LYPD6B: variants seen among roughly 807,000 people sequenced by gnomAD.
LYPD6B encodes the protein LY6/PLAUR domain containing 6B.
LYPD6B carries 17 observed loss-of-function variants against 22.8 expected under a neutral mutation model. That is an observed-to-expected ratio of 0.75 (90% CI 0.51 to 1.12). The LOEUF is 1.12. Among genes scored for constraint, LYPD6B ranks in the 50% most tolerant of loss-of-function variants. LYPD6B has a pLI of 0.00. For synonymous variants in LYPD6B, 106 were observed against 91.6 expected (o/e 1.16, Z -0.90); for missense variants, 221 against 258.3 (o/e 0.86, Z 0.99).
At chr2:149,160,522 G>A (rs1211574122) in intron 2 of LYPD6B, 1 of 618,120 alleles carries the variant, frequency 1.6e-6, no homozygotes, top group Non-Finnish European at 3.0e-6. Context: ...AATTAGATGG[G>A]GCCCAGGTGT....
intron 2 of LYPD6B, among the ~76,000 whole-genome samples, chr2:149,155,348 C>T (rs1055447890): frequency 9.2e-5 from 14 of 152,192 alleles, no homozygotes; most frequent in East Asian, 7.7e-4. Flanking sequence ...TTGCATCAGG[C>T]CCTCTCCTTT....
intron 1 of LYPD6B, among the ~76,000 whole-genome samples, chr2:149,075,110 T>G (rs1476117732): frequency 6.6e-6 from 1 of 152,236 alleles, no homozygotes; most frequent in Admixed American, 6.5e-5. Context: ...GAAACTTTTA[T>G]TATAAATCCA....
chr2:149,134,768 G>A (rs2105726722), intron 2 of LYPD6B, among the ~76,000 whole-genome samples: 1 of 152,342 alleles, frequency 6.6e-6, no homozygotes. Flanking sequence ...GTCAATCTGG[G>A]TTGTCAATCA....
At chr2:149,161,042 G>C (rs1441094985) in intron 3 of LYPD6B, among the ~76,000 whole-genome samples, 2 of 152,030 alleles carry the variant, frequency 1.3e-5, no homozygotes, top group African/African-American at 4.8e-5. Flanking sequence ...CAATTCTGGT[G>C]AACCAAAAAG....
chr2:149,083,111 G>A (rs1038935673), intron 1 of LYPD6B, among the ~76,000 whole-genome samples: 1 of 152,030 alleles, frequency 6.6e-6, no homozygotes, highest in East Asian at 1.9e-4. Flanking sequence ...GGAATAAAAT[G>A]TCACAGGGGG....
At position 149,214,662 on chromosome 2, in the gene LYPD6B, A is replaced by G; in HGVS notation, c.576A>G (p.Thr192=). 1 of 1,613,670 alleles carries G rather than the reference A, an allele frequency of 6.2e-7. No homozygotes were observed. The part of the protein sequence containing the change: ...AQRTSGSSAP[T]LYLPVLAWVF... ...GAACATCTGGCAGCAGTGCCCCCAC[A>G]CTCTACCTACCAGTGCTTGCCTGGG... is the stretch of plus-strand genomic sequence containing the variant. Residue 192 remains threonine, a synonymous_variant, in exon 7 of 7, where the codon ACA becomes ACG. Coordinates refer to ENST00000409642, the MANE Select transcript of LYPD6B (RefSeq NM_177964.5).
At chr2:149,050,469 TG>T (rs1472714232) in intron 1 of LYPD6B, among the ~76,000 whole-genome samples, 1 of 152,214 alleles carries the variant, frequency 6.6e-6, no homozygotes, top group African/African-American at 2.4e-5. Context: ...TCCTGCATTT[TG>T]GGACTATTTC....
intron 2 of LYPD6B, among the ~76,000 whole-genome samples, chr2:149,143,355 A>G (rs1688809359): frequency 1.3e-5 from 2 of 150,732 alleles, no homozygotes; most frequent in South Asian, 4.2e-4. Flanking sequence ...TAGGACAATG[A>G]GTTTATGATC....
chr2:149,165,800 A>G (rs1219315585), intron 3 of LYPD6B, among the ~76,000 whole-genome samples: 1 of 152,124 alleles, frequency 6.6e-6, no homozygotes, highest in African/African-American at 2.4e-5. Context: ...AGTTAATGGA[A>G]ATTACATCTT....
intron 2 of LYPD6B, among the ~76,000 whole-genome samples, chr2:149,159,565 C>G (rs896220879): frequency 1.3e-5 from 2 of 149,882 alleles, no homozygotes; most frequent in African/African-American, 4.9e-5. Flanking sequence ...TTCAGAGAAC[C>G]CTGCCCGAGA....
intron 1 of LYPD6B, among the ~76,000 whole-genome samples, chr2:149,070,467 T>TC (rs1313833256): frequency 2.0e-5 from 3 of 152,084 alleles, no homozygotes; most frequent in Non-Finnish European, 4.4e-5. Flanking sequence ...TTGATCTCCT[T>TC]CCCCCCTCAT....
chr2:149,085,261 C>T (rs1685335726), intron 1 of LYPD6B, among the ~76,000 whole-genome samples: 1 of 152,232 alleles, frequency 6.6e-6, no homozygotes, highest in Non-Finnish European at 1.5e-5. Flanking sequence ...CCTAACCCCA[C>T]ATGTTCGTGC....
intron 3 of LYPD6B, among the ~76,000 whole-genome samples, chr2:149,188,451 A>G (rs891680665): frequency 1.7e-4 from 26 of 152,180 alleles, no homozygotes; most frequent in African/African-American, 6.3e-4. Flanking sequence ...GGTGGGGAAA[A>G]GGATTGACAT....
intron 1 of LYPD6B, among the ~76,000 whole-genome samples, chr2:149,110,639 C>G (rs879068720): frequency 6.6e-6 from 1 of 152,058 alleles, no homozygotes; most frequent in Non-Finnish European, 1.5e-5. Context: ...AAATGACAAC[C>G]TTACTTATTA....
intron 3 of LYPD6B, among the ~76,000 whole-genome samples, chr2:149,174,500 G>T (rs1465029928): frequency 6.6e-6 from 1 of 152,122 alleles, no homozygotes; most frequent in African/African-American, 2.4e-5. Context: ...TGCCCATTCA[G>T]TATGATATTG....
intron 1 of LYPD6B, among the ~76,000 whole-genome samples, chr2:149,082,153 T>G (rs762104141): frequency 4.6e-5 from 7 of 152,242 alleles, no homozygotes; most frequent in Non-Finnish European, 8.8e-5. Flanking sequence ...TATTTGAAGC[T>G]TATTTTCTCC....
intron 5 of LYPD6B, 30 bp downstream of exon 5, chr2:149,208,442 T>C (rs761380224): frequency 2.6e-5 from 39 of 1,502,928 alleles, no homozygotes; most frequent in African/African-American, 4.1e-5. Context: ...AAGACTTCTG[T>C]GATCTCATTT....
intron 2 of LYPD6B, among the ~76,000 whole-genome samples, chr2:149,155,592 G>C (rs967595194): frequency 6.6e-6 from 1 of 152,232 alleles, no homozygotes; most frequent in Admixed American, 6.5e-5. Flanking sequence ...TTTGTCCGGA[G>C]GCTGGTGAGC....
chr2:149,131,714 A>G (rs561052671), intron 2 of LYPD6B: 5 of 152,266 alleles, frequency 3.3e-5, no homozygotes, highest in African/African-American at 1.2e-4. Context: ...AAGGATGGAA[A>G]AGCTGTCAGA....
Sources: allele counts gnomAD v4.1 joint callset (sites outside exome capture counted in the v4.1 genomes callset), GRCh38; gene constraint gnomAD v4.1.1; transcripts MANE v1.5; gene names NCBI Gene and HGNC (gene_info 2026-07-23, HGNC 2026-07-21).